SNX6: variants seen among roughly 807,000 people sequenced by gnomAD.
SNX6 encodes sorting nexin-6.
SNX6 carries 34 observed loss-of-function variants against 63.0 expected under a neutral mutation model. That is an observed-to-expected ratio of 0.54 (90% confidence interval 0.41 to 0.72). SNX6 has a LOEUF of 0.72. Ranked by LOEUF, SNX6 falls within the 30% of genes least tolerant of loss-of-function variation. The probability of loss-of-function intolerance (pLI) is 0.00; values close to 1 mark genes in which losing one functional copy is unlikely to be tolerated. For missense variants in SNX6, 398 were observed against 471.4 expected (o/e 0.84, Z 1.44); for synonymous variants, 170 against 164.2 (o/e 1.04, Z -0.27).
At chr14:34,602,086 T>A (rs2138340425) in intron 6 of SNX6, among the ~76,000 whole-genome samples, 1 of 149,846 alleles carries the variant, frequency 6.7e-6, no homozygotes, top group Admixed American at 6.7e-5. Context: ...GGTCAGGAGT[T>A]CGAGACCAGC....
chr14:34,598,138 CAATT>C (rs909005336), intron 6 of SNX6, among the ~76,000 whole-genome samples: 2 of 152,046 alleles, frequency 1.3e-5, no homozygotes, highest in African/African-American at 4.8e-5. Context: ...TTGGGGTCAG[CAATT>C]AATAGCACAA....
chr14:34,566,734 C>G (rs1213513455), intron 13 of SNX6, among the ~76,000 whole-genome samples: 2 of 152,074 alleles, frequency 1.3e-5, no homozygotes, highest in Non-Finnish European at 2.9e-5. Context: ...TTTCTATTAA[C>G]TACAAGAAGA....
chr14:34,613,912 A>C (rs1324568330), intron 2 of SNX6, among the ~76,000 whole-genome samples: 1 of 151,802 alleles, frequency 6.6e-6, no homozygotes, highest in Non-Finnish European at 1.5e-5. Flanking sequence ...TTCAAGACCA[A>C]TGTGGCCAAG....
intron 2 of SNX6, among the ~76,000 whole-genome samples, chr14:34,626,640 G>A (rs1354571955): frequency 6.8e-6 from 1 of 147,398 alleles, no homozygotes; most frequent in Non-Finnish European, 1.5e-5. Context: ...CTGCACTCCA[G>A]CCTGGGCAAC....
intron 11 of SNX6, 91 bp from the exon 12 acceptor site, chr14:34,568,104 A>G (rs761231625): frequency 1.2e-5 from 13 of 1,095,408 alleles, no homozygotes; most frequent in Admixed American, 1.1e-4. Flanking sequence ...CACAACCATC[A>G]GAGCTAACAC....
chr14:34,563,743 CT>C (rs1178311002), intron 13 of SNX6, among the ~76,000 whole-genome samples: 22 of 135,360 alleles, frequency 1.6e-4, no homozygotes, highest in East Asian at 4.3e-4. Flanking sequence ...AATTTTTTTT[CT>C]TTTTTTTTTT....
intron 11 of SNX6, 144 bp from the exon 12 acceptor site, chr14:34,568,157 T>C (rs1452566249): frequency 1.5e-6 from 1 of 650,820 alleles, no homozygotes; most frequent in African/African-American, 1.8e-5. Context: ...TTTTTTTTTT[T>C]TTTTGAGGTG....
At chr14:34,597,111 C>T (rs1372306895) in intron 7 of SNX6, among the ~76,000 whole-genome samples, 2 of 152,246 alleles carry the variant, frequency 1.3e-5, no homozygotes, top group Non-Finnish European at 1.5e-5. Flanking sequence ...AGGAGGACTT[C>T]ATGTGCATGT....
intron 5 of SNX6, chr14:34,604,337 C>T (rs1185913743): frequency 1.7e-6 from 2 of 1,150,456 alleles, no homozygotes; most frequent in Non-Finnish European, 2.2e-6. Flanking sequence ...TATTAATGTG[C>T]TCTGCTCATT....
At chr14:34,591,180 C>T (rs548929086) in intron 8 of SNX6, among the ~76,000 whole-genome samples, 6 of 151,684 alleles carry the variant, frequency 4.0e-5, no homozygotes, top group African/African-American at 1.5e-4. Context: ...CCAAATTGTA[C>T]ACTTTGATTA....
intron 2 of SNX6, among the ~76,000 whole-genome samples, chr14:34,625,421 C>A (rs981149460): frequency 6.6e-6 from 1 of 152,060 alleles, no homozygotes; most frequent in Non-Finnish European, 1.5e-5. Flanking sequence ...AACAGAAACT[C>A]CTTGGGTGCT....
intron 8 of SNX6, among the ~76,000 whole-genome samples, chr14:34,589,996 T>C (rs2138314182): frequency 6.6e-6 from 1 of 152,196 alleles, no homozygotes; most frequent in African/African-American, 2.4e-5. Context: ...GGCGCATGCC[T>C]GTGGTCCCAG....
chr14:34,577,408 A>G (rs1881753854), intron 10 of SNX6, among the ~76,000 whole-genome samples: 1 of 152,090 alleles, frequency 6.6e-6, no homozygotes, highest in Non-Finnish European at 1.5e-5. Flanking sequence ...TTCAATTGTA[A>G]TTGATATGTA....
chr14:34,606,259 T>C (rs1162791452), intron 4 of SNX6, among the ~76,000 whole-genome samples: 1 of 151,060 alleles, frequency 6.6e-6, no homozygotes, highest in Non-Finnish European at 1.5e-5. Flanking sequence ...TAGCTGGGAT[T>C]ATAAGCGCAC....
chr14:34,589,016 C>G (rs541764774), intron 8 of SNX6, among the ~76,000 whole-genome samples: 1 of 152,072 alleles, frequency 6.6e-6, no homozygotes, highest in South Asian at 2.1e-4. Context: ...CATCTGTAGT[C>G]CCAGCTGCTC....
At chr14:34,592,590 C>T in intron 8 of SNX6, among the ~76,000 whole-genome samples, 1 of 152,150 alleles carries the variant, frequency 6.6e-6, no homozygotes, top group East Asian at 1.9e-4. Flanking sequence ...TAGACAGTCT[C>T]ACTCTGTCAC....
At chr14:34,625,529 T>C (rs889982678) in intron 2 of SNX6, among the ~76,000 whole-genome samples, 1 of 152,036 alleles carries the variant, frequency 6.6e-6, no homozygotes, top group Middle Eastern at 3.4e-3. Context: ...GGTCAGGAGT[T>C]TGAGACCAGC....
intron 13 of SNX6, among the ~76,000 whole-genome samples, chr14:34,566,616 A>G (rs915013777): frequency 4.6e-5 from 7 of 152,230 alleles, no homozygotes; most frequent in African/African-American, 1.7e-4. Context: ...AGAGCTGACC[A>G]TTGGAGACGT....
intron 6 of SNX6, 112 bp from the exon 7 acceptor site, chr14:34,597,757 T>C: frequency 3.2e-6 from 2 of 627,312 alleles, no homozygotes; most frequent in Non-Finnish European, 5.5e-6. Flanking sequence ...TTAATCTTAA[T>C]AAAGTGGAAA....
Sources: gnomAD v4.1 joint callset for allele counts (sites outside exome capture counted in the v4.1 genomes callset) on GRCh38, gnomAD v4.1.1 for gene constraint, MANE v1.5 for transcripts, NCBI Gene and HGNC (gene_info 2026-07-23, HGNC 2026-07-21) for gene names.